Variants in STAU2 observed in about 807,000 individuals in gnomAD.
The protein encoded by STAU2 is staufen double-stranded RNA binding protein 2, also known as double-stranded RNA-binding protein Staufen homolog 2.
STAU2 carries 20 observed loss-of-function variants against 65.9 expected under a neutral mutation model. That is an observed-to-expected ratio of 0.30 (90% CI 0.21 to 0.44). The LOEUF (loss-of-function observed/expected upper bound fraction) is 0.44. Ranked by LOEUF, STAU2 falls within the 20% of genes least tolerant of loss-of-function variation. The pLI, the probability that STAU2 is intolerant of heterozygous loss-of-function variation, is 1.00. For missense variants in STAU2, 558 were observed against 683.9 expected, an observed-to-expected ratio of 0.82 and a Z score of 2.05; for synonymous variants, 232 against 233.9, an observed-to-expected ratio of 0.99 and a Z score of 0.07.
At chr8:73,445,201 A>G (rs1374475081) in intron 13 of STAU2, among the ~76,000 whole-genome samples, 1 of 152,192 alleles carries the variant, frequency 6.6e-6, no homozygotes, top group African/African-American at 2.4e-5. Context: ...ATTTCACTTA[A>G]AACAGGAACA....
At chr8:73,561,569 T>C (rs921607185) in intron 12 of STAU2, 1 of 454,094 alleles carries the variant, frequency 2.2e-6, no homozygotes, top group Non-Finnish European at 4.4e-6. Flanking sequence ...AAAAATGGAT[T>C]ATATAAGTCT....
intron 13 of STAU2, among the ~76,000 whole-genome samples, chr8:73,450,017 G>A (rs549978871): frequency 1.3e-5 from 2 of 152,368 alleles, no homozygotes; most frequent in South Asian, 2.1e-4. Flanking sequence ...AGGATATGCC[G>A]GGCTGGCAGA....
At chr8:73,506,269 A>C (rs562463028) in intron 13 of STAU2, among the ~76,000 whole-genome samples, 1 of 152,142 alleles carries the variant, frequency 6.6e-6, no homozygotes, top group South Asian at 2.1e-4. Flanking sequence ...CTGTGCACGT[A>C]TGCAGTGAGC....
chr8:73,483,424 T>C (rs1189547205), intron 13 of STAU2, among the ~76,000 whole-genome samples: 1 of 152,154 alleles, frequency 6.6e-6, no homozygotes, highest in Non-Finnish European at 1.5e-5. Flanking sequence ...TTATCTATGA[T>C]TTCAAAGGTG....
At chr8:73,647,987 AT>A in intron 6 of STAU2, among the ~76,000 whole-genome samples, 1 of 152,334 alleles carries the variant, frequency 6.6e-6, no homozygotes, top group Admixed American at 6.5e-5. Context: ...CTGGTTTGAA[AT>A]ATTGTCCTAC....
At chr8:73,469,840 T>C (rs551742810) in intron 13 of STAU2, among the ~76,000 whole-genome samples, 3 of 152,282 alleles carry the variant, frequency 2.0e-5, no homozygotes, top group Non-Finnish European at 2.9e-5. Context: ...CCAGGAAATA[T>C]GGGAAACCGC....
intron 13 of STAU2, among the ~76,000 whole-genome samples, chr8:73,436,568 T>TTTTTTTTATTTATTTA (rs140061730): frequency 1.4e-4 from 20 of 141,466 alleles, no homozygotes; most frequent in Admixed American, 2.8e-4. Flanking sequence ...TTTGCCAATT[T>TTTTTTTTATTTATTTA]TTTATTTATT....
At chr8:73,688,616 C>T (rs371030541) in intron 5 of STAU2, 38 bp downstream of exon 5, 2 of 1,610,786 alleles carry the variant, frequency 1.2e-6, no homozygotes, top group Non-Finnish European at 1.7e-6. Context: ...GCAGAACACA[C>T]ATAGCAGACA....
chr8:73,474,692 C>T (rs1229323660), intron 13 of STAU2, among the ~76,000 whole-genome samples: 1 of 152,002 alleles, frequency 6.6e-6, no homozygotes, highest in Non-Finnish European at 1.5e-5. Context: ...TAAGTTAATC[C>T]CTGCCTTCTG....
chr8:73,712,775 C>T (rs375743591), intron 3 of STAU2, among the ~76,000 whole-genome samples: 7 of 151,978 alleles, frequency 4.6e-5, no homozygotes, highest in Non-Finnish European at 7.4e-5. Flanking sequence ...GACAACATAG[C>T]GAGACCTCAT....
In STAU2 at chr8:73,447,138, G is replaced by T. The variant is rs113428318; in HGVS notation, c.1531-24436C>A. ...TTTTTGTATTTTCAGTAGAGACAGG[G>T]TTTCACCGTATTGGCCAGGCTGGTC... On this transcript the variant is annotated intron_variant, in intron 13 of 14. Transcript: ENST00000524300. 4.2e-3 allele frequency among the ~76,000 whole-genome samples: 639 copies of T among 152,116 alleles called. 8 individuals carry two copies. The highest frequency in any genetic ancestry group is 0.014 in the African/African-American group (598 of 41,520).
At chr8:73,665,891 A>G (rs762539975) in intron 6 of STAU2, among the ~76,000 whole-genome samples, 6 of 152,196 alleles carry the variant, frequency 3.9e-5, no homozygotes, top group Non-Finnish European at 7.3e-5. Flanking sequence ...TCCCATATAC[A>G]TTAAGTCATC....
upstream of STAU2, chr8:73,746,886 C>T: frequency 8.7e-7 from 1 of 1,156,062 alleles, no homozygotes; most frequent in Non-Finnish European, 1.1e-6. Flanking sequence ...GGCTCCCCGC[C>T]CCCCGCCTCC....
At chr8:73,642,217 C>T (rs1236557128) in intron 6 of STAU2, among the ~76,000 whole-genome samples, 1 of 152,158 alleles carries the variant, frequency 6.6e-6, no homozygotes, top group Non-Finnish European at 1.5e-5. Context: ...ATGGTCAGGT[C>T]TCCCCCACTC....
At position 73,688,709 on chromosome 8, in the gene STAU2, A is replaced by T. The variant is rs1563508360; in HGVS notation, c.219T>A (p.Ser73=). The change falls in exon 5 of 15, where the codon TCT becomes TCA. Residue 73 remains serine (S), a synonymous_variant. Coordinates refer to ENST00000524300, the MANE Select transcript of STAU2 (RefSeq NM_001164380.2). ...GCTTCTGAACTGGTTTGGGAAGCGT[A>T]GATTCAGTCAAAGCTTTATTGGCAA... The part of the protein sequence containing the change: ...QAVANKALTE[S]TLPKPVQKPP... 6.2e-7 allele frequency: 1 copy of T among 1,614,200 alleles called. No homozygotes were observed. Among genetic ancestry groups the T allele is most frequent in the Admixed American group, 1.7e-5 (1 of 60,018 alleles).
intron 3 of STAU2, among the ~76,000 whole-genome samples, chr8:73,711,289 C>G (rs961770421): frequency 5.3e-5 from 8 of 152,012 alleles, no homozygotes; most frequent in African/African-American, 1.4e-4. Context: ...TTTGGAAAGT[C>G]AGTCGTTATA....
At chr8:73,601,425 G>C (rs1431007127) in intron 10 of STAU2, among the ~76,000 whole-genome samples, 1 of 151,984 alleles carries the variant, frequency 6.6e-6, no homozygotes. Context: ...AATGTCATCG[G>C]AGATTTTCTT....
At chr8:73,681,220 C>A (rs570723948) in intron 5 of STAU2, among the ~76,000 whole-genome samples, 2 of 152,044 alleles carry the variant, frequency 1.3e-5, no homozygotes, top group African/African-American at 2.4e-5. Context: ...GAGGCAAAAG[C>A]ACCAGGTAAC....
intron 13 of STAU2, among the ~76,000 whole-genome samples, chr8:73,520,104 G>T (rs1341650192): frequency 6.6e-6 from 1 of 152,202 alleles, no homozygotes; most frequent in African/African-American, 2.4e-5. Context: ...ATGAAATATG[G>T]TAACTCAGGA....
Sources: gnomAD v4.1 joint callset for allele counts (sites outside exome capture counted in the v4.1 genomes callset) on GRCh38, gnomAD v4.1.1 for gene constraint, MANE v1.5 for transcripts, NCBI Gene and HGNC (gene_info 2026-07-23, HGNC 2026-07-21) for gene names.